The following MACROH2A1 variants were observed in gnomAD, a reference collection of about 807,000 sequenced individuals.
The protein encoded by MACROH2A1 is core histone macro-H2A.1.
MACROH2A1 carries 2 observed loss-of-function variants against 31.6 expected under a neutral mutation model. The observed-to-expected ratio is 0.06, with a 90% confidence interval of 0.03 to 0.20. MACROH2A1 has a LOEUF of 0.20. Ranked by LOEUF, MACROH2A1 falls within the 10% of genes least tolerant of loss-of-function variation. The probability of loss-of-function intolerance (pLI) is 1.00; values close to 1 mark genes in which losing one functional copy is unlikely to be tolerated. For missense variants in MACROH2A1, 230 were observed against 474.0 expected, an observed-to-expected ratio of 0.49 and a Z score of 4.78; for synonymous variants, 169 against 189.6, an observed-to-expected ratio of 0.89 and a Z score of 0.89.
chr5:135,364,785 A>C (rs1461882229), intron 4 of MACROH2A1, among the ~76,000 whole-genome samples: 1 of 152,240 alleles, frequency 6.6e-6, no homozygotes, highest in African/African-American at 2.4e-5. Context: ...AAATTTTTCT[A>C]ATAGTAGCTT....
At chr5:135,390,753 T>C (rs1013144682) in intron 1 of MACROH2A1, among the ~76,000 whole-genome samples, 1 of 152,138 alleles carries the variant, frequency 6.6e-6, no homozygotes, top group African/African-American at 2.4e-5. Flanking sequence ...GCTCAACCTA[T>C]ACTAGGGACA....
intron 1 of MACROH2A1, among the ~76,000 whole-genome samples, chr5:135,396,730 C>G (rs1158585425): frequency 6.6e-6 from 1 of 152,070 alleles, no homozygotes; most frequent in African/African-American, 2.4e-5. Flanking sequence ...CCAAAGTCAG[C>G]TCCCCCAAGG....
chr5:135,367,173 TAAA>T (rs912199270), intron 4 of MACROH2A1, among the ~76,000 whole-genome samples: 4 of 152,372 alleles, frequency 2.6e-5, no homozygotes, highest in African/African-American at 9.6e-5. Flanking sequence ...ACATTCCACT[TAAA>T]CCTAGAGATG....
intron 1 of MACROH2A1, among the ~76,000 whole-genome samples, chr5:135,393,585 G>A (rs904800013): frequency 1.3e-5 from 2 of 152,208 alleles, no homozygotes; most frequent in African/African-American, 4.8e-5. Flanking sequence ...CAGTGAAGCT[G>A]GTCACAGGAG....
intron 2 of MACROH2A1, among the ~76,000 whole-genome samples, chr5:135,377,154 C>T (rs905512379): frequency 2.6e-5 from 4 of 152,166 alleles, no homozygotes; most frequent in Non-Finnish European, 4.4e-5. Context: ...CACAGCAGAG[C>T]GTGCAGAGCC....
intron 5 of MACROH2A1, chr5:135,353,886 G>A (rs931442016): frequency 6.6e-6 from 1 of 152,232 alleles, no homozygotes; most frequent in Non-Finnish European, 1.5e-5. Flanking sequence ...GAAGAATACT[G>A]AGTTCGAAAT....
chr5:135,394,049 C>A (rs1767619903), intron 1 of MACROH2A1, among the ~76,000 whole-genome samples: 1 of 152,110 alleles, frequency 6.6e-6, no homozygotes, highest in African/African-American at 2.4e-5. Flanking sequence ...GCTATGTAGA[C>A]CCCATGAATA....
rs561362471 is a variant in MACROH2A1, at chr5:135,385,317, C to T, written c.172+3605G>A. 3.3e-5 allele frequency among the ~76,000 whole-genome samples: 5 copies of T among 152,374 alleles called. No homozygotes were observed. In the South Asian group the frequency reaches 8.3e-4, roughly 25 times the overall value. On this transcript the variant is annotated intron_variant, in intron 2 of 8. Transcript: ENST00000511689. ...ATTCTCCAGAAAGCATTTCCTGACA[C>T]CCACTTGCAGTCCTGTCTCCCCCCT...
rs772153197 is a variant in MACROH2A1 at position 135,370,042 on chromosome 5, C to T, written c.273G>A (p.Leu91=). Residue 91 remains leucine, a synonymous_variant, in exon 3 of 9, where the codon CTG becomes CTA. Transcript: ENST00000511689. The stretch of plus-strand genomic sequence containing the variant: ...AGATGGGAGAGGCCCATACCTGATT[C>T]AGCTCTTCATCATTGGCCACAGCCA... ...ILLAVANDEE[L]NQLLKGVTIA... is the part of the protein sequence containing the mutation. 7 of 1,604,442 alleles carry T rather than the reference C, an allele frequency of 4.4e-6. No individual in the cohort carries two copies. The highest frequency in any genetic ancestry group is 4.0e-5 in the African/African-American group (3 of 74,732).
At chr5:135,397,579 G>T (rs1768189067) in intron 1 of MACROH2A1, among the ~76,000 whole-genome samples, 1 of 152,110 alleles carries the variant, frequency 6.6e-6, no homozygotes, top group Non-Finnish European at 1.5e-5. Context: ...ACTAGAAGGG[G>T]GAAGAATTTG....
At position 135,389,122 on chromosome 5, in the gene MACROH2A1, G is replaced by A. The variant is rs1766836165; in HGVS notation, c.-29C>T. 1 of 1,604,518 alleles carries A rather than the reference G, an allele frequency of 6.2e-7. No homozygotes were observed. Among genetic ancestry groups the A allele is most frequent in the African/African-American group, 1.3e-5 (1 of 74,942 alleles). ...GGTGGCCCTGGAGGCGGATCAGTGA[G>A]CACACTGTGAAGGCGAGAGGCACAC... On this transcript the variant is annotated 5_prime_UTR_variant, in exon 2 of 9. Coordinates refer to ENST00000511689, the MANE Select transcript of MACROH2A1 (RefSeq NM_138610.3).
At chr5:135,360,661 TAGAG>T (rs1010092528) in intron 4 of MACROH2A1, 54 bp from the exon 5 acceptor site, 1 of 1,244,184 alleles carries the variant, frequency 8.0e-7, no homozygotes, top group South Asian at 1.2e-5. Flanking sequence ...GGCATCCTAA[TAGAG>T]AGGCAGCTCC....
chr5:135,379,335 C>G (rs997326270), intron 2 of MACROH2A1, among the ~76,000 whole-genome samples: 5 of 152,096 alleles, frequency 3.3e-5, no homozygotes, highest in Admixed American at 6.5e-5. Flanking sequence ...ATGGAAGATG[C>G]ACTTGCCTAA....
Position 135,360,823 on chromosome 5 carries a change from T to TA in MACROH2A1, c.478-217dup, listed in dbSNP as rs750672492. 527 of 664,868 alleles carry TA rather than the reference T, an allele frequency of 7.9e-4. 3 individuals are homozygous for TA. Among genetic ancestry groups the TA allele is most frequent in the Admixed American group, 1.1e-3 (53 of 46,260 alleles). 41.2% of individuals were successfully genotyped at this position (664,868 alleles called of 1,614,324 possible). A position where few individuals can be genotyped will look rare whatever the true frequency, so the allele number is the denominator to read the frequency against. On this transcript the variant is annotated intron_variant, in intron 4 of 8. Coordinates refer to ENST00000511689, the MANE Select transcript of MACROH2A1 (RefSeq NM_138610.3). ...TTATATGTTAATCACTTTATGATCG[T>TA]AAAAAAAAACCAGCCACTTAAAGGT...
chr5:135,388,132 T>G (rs1327166026), intron 2 of MACROH2A1, among the ~76,000 whole-genome samples: 1 of 150,606 alleles, frequency 6.6e-6, no homozygotes, highest in Non-Finnish European at 1.5e-5. Flanking sequence ...AGAAATAAAT[T>G]TTTTAAATCA....
chr5:135,384,528 A>G (rs1766126923), intron 2 of MACROH2A1, among the ~76,000 whole-genome samples: 1 of 152,216 alleles, frequency 6.6e-6, no homozygotes, highest in Admixed American at 6.5e-5. Context: ...GGCTCCATAA[A>G]CTGCACAAGG....
chr5:135,365,640 T>A (rs774151151), intron 4 of MACROH2A1, among the ~76,000 whole-genome samples: 7 of 152,224 alleles, frequency 4.6e-5, no homozygotes, highest in Non-Finnish European at 1.0e-4. Context: ...ATATTCATTT[T>A]TTAAAAACTC....
chr5:135,392,924 A>T (rs953485663), intron 1 of MACROH2A1, among the ~76,000 whole-genome samples: 5 of 152,230 alleles, frequency 3.3e-5, no homozygotes, highest in Non-Finnish European at 5.9e-5. Context: ...GCATCCATGT[A>T]AGGGCCTGAT....
intron 2 of MACROH2A1, among the ~76,000 whole-genome samples, chr5:135,383,686 G>A (rs1427783094): frequency 6.9e-6 from 1 of 145,982 alleles, no homozygotes; most frequent in Non-Finnish European, 1.5e-5. Flanking sequence ...TCCCTTTCCT[G>A]TGTGATGTGG....
Sources: gnomAD v4.1 joint callset for allele counts (sites outside exome capture counted in the v4.1 genomes callset) on GRCh38, gnomAD v4.1.1 for gene constraint, MANE v1.5 for transcripts, NCBI Gene and HGNC (gene_info 2026-07-23, HGNC 2026-07-21) for gene names.